Variants in NTM observed in about 807,000 individuals in gnomAD.
NTM encodes the protein neurotrimin, also known as IgLON family member 2.
In NTM, 13 loss-of-function variants were observed where a neutral mutation model predicts 42.1. The ratio of observed to expected loss-of-function variants is 0.31; its 90% CI spans 0.20 to 0.49. The LOEUF is 0.49. Ranked by LOEUF, NTM falls within the 20% of genes least tolerant of loss-of-function variation. The probability of loss-of-function intolerance (pLI) is 0.99; values close to 1 mark genes in which losing one functional copy is unlikely to be tolerated. For missense variants in NTM, 373 were observed against 452.8 expected (o/e 0.82, Z 1.60); for synonymous variants, 187 against 179.2 (o/e 1.04, Z -0.35).
chr11:131,822,797 G>A (rs1040484509), intron 1 of NTM, among the ~76,000 whole-genome samples: 2 of 152,064 alleles, frequency 1.3e-5, no homozygotes, highest in Non-Finnish European at 2.9e-5. Flanking sequence ...AAAAGTGAGA[G>A]TGGAGGTGGG....
intron 1 of NTM, among the ~76,000 whole-genome samples, chr11:131,779,264 C>T (rs532707031): frequency 6.6e-6 from 1 of 152,238 alleles, no homozygotes; most frequent in African/African-American, 2.4e-5. Flanking sequence ...TCAGCTTGGG[C>T]AGATTTAGAG....
At chr11:132,041,910 A>G (rs2077257329) in intron 2 of NTM, among the ~76,000 whole-genome samples, 1 of 152,224 alleles carries the variant, frequency 6.6e-6, no homozygotes, top group Non-Finnish European at 1.5e-5. Flanking sequence ...AATAAGTGTC[A>G]TGTATTAGTA....
Position 131,780,791 on chromosome 11 carries a change from A to T in NTM, c.83-130773A>T, listed in dbSNP as rs531857907. On this transcript the variant is annotated intron_variant, in intron 1 of 8. Coordinates refer to ENST00000683400, the MANE Select transcript of NTM (RefSeq NM_001352005.2). ...TAGAATCTAATGTGAGAGGGTCCTT[A>T]TGGTTCCCAGGTGGAAGGTGAGGCT... Among the ~76,000 whole-genome samples the T allele has an allele frequency of 1.1e-4, 17 of 152,304 alleles. No homozygotes were observed. The East Asian group carries it at 2.1e-3, about 19-fold the overall frequency.
intron 2 of NTM, among the ~76,000 whole-genome samples, chr11:132,048,102 A>T (rs894503136): frequency 6.6e-6 from 1 of 151,854 alleles, no homozygotes; most frequent in African/African-American, 2.4e-5. Flanking sequence ...GAAAGAAGAG[A>T]CCATTCCTTT....
At chr11:131,505,036 C>T (rs1323543038) in intron 1 of NTM, among the ~76,000 whole-genome samples, 2 of 152,110 alleles carry the variant, frequency 1.3e-5, no homozygotes, top group East Asian at 1.9e-4. Context: ...GTGGGGTATA[C>T]TGCAGGGGAA....
chr11:131,565,748 G>A (rs1299030571), intron 1 of NTM, among the ~76,000 whole-genome samples: 1 of 152,176 alleles, frequency 6.6e-6, no homozygotes, highest in Non-Finnish European at 1.5e-5. Context: ...AGATCCTGTG[G>A]GGACTCTGCC....
At chr11:131,750,085 C>A (rs1268003918) in intron 1 of NTM, among the ~76,000 whole-genome samples, 1 of 152,188 alleles carries the variant, frequency 6.6e-6, no homozygotes, top group Non-Finnish European at 1.5e-5. Context: ...AGGTGGAAAG[C>A]CATTAGGCAC....
intron 4 of NTM, among the ~76,000 whole-genome samples, chr11:132,256,650 T>TC (rs397962401): frequency 2.0e-5 from 3 of 151,654 alleles, no homozygotes; most frequent in East Asian, 3.9e-4. Flanking sequence ...TTTTTTTTTT[T>TC]CCCCTGGGCT....
chr11:131,814,490 C>T (rs767210394), intron 1 of NTM, among the ~76,000 whole-genome samples: 5 of 152,196 alleles, frequency 3.3e-5, no homozygotes, highest in South Asian at 2.1e-4. Context: ...CCTTTCCATA[C>T]GGTTTCAGAT....
chr11:131,676,402 C>A (rs549300027), intron 1 of NTM, among the ~76,000 whole-genome samples: 2 of 152,024 alleles, frequency 1.3e-5, no homozygotes, highest in African/African-American at 2.4e-5. Flanking sequence ...TGAAGGGCTG[C>A]GTTGGAGTTT....
At chr11:131,718,187 T>C (rs2077926740) in intron 1 of NTM, among the ~76,000 whole-genome samples, 1 of 152,188 alleles carries the variant, frequency 6.6e-6, no homozygotes, top group Non-Finnish European at 1.5e-5. Flanking sequence ...ATAATGTCTT[T>C]TTCCAGTTTT....
At chr11:131,409,929 G>T (rs556167702) in intron 1 of NTM, among the ~76,000 whole-genome samples, 1 of 152,158 alleles carries the variant, frequency 6.6e-6, no homozygotes, top group Non-Finnish European at 1.5e-5. Flanking sequence ...CCATGGCACA[G>T]CATCTCAGCA....
At chr11:132,289,372 C>T (rs2094373653) in intron 4 of NTM, among the ~76,000 whole-genome samples, 1 of 152,174 alleles carries the variant, frequency 6.6e-6, no homozygotes, top group African/African-American at 2.4e-5. Flanking sequence ...TTCTCAAAGC[C>T]TTTGGTGTAC....
chr11:131,795,431 G>T, intron 1 of NTM: 3 of 985,288 alleles, frequency 3.0e-6, no homozygotes, highest in Non-Finnish European at 3.6e-6. Flanking sequence ...ATACACTATT[G>T]GTATAAAGTC....
chr11:131,713,815 C>T (rs2077409412), intron 1 of NTM, among the ~76,000 whole-genome samples: 3 of 152,146 alleles, frequency 2.0e-5, no homozygotes, highest in African/African-American at 7.2e-5. Flanking sequence ...AGTTTTACAG[C>T]AGGAGTGAAA....
intron 2 of NTM, among the ~76,000 whole-genome samples, chr11:132,139,978 G>T (rs535378152): frequency 1.1e-4 from 17 of 152,310 alleles, no homozygotes; most frequent in African/African-American, 3.6e-4. Flanking sequence ...TGAGAAAGCA[G>T]TACATGTTAT....
intron 1 of NTM, among the ~76,000 whole-genome samples, chr11:131,754,149 G>A (rs1187717109): frequency 2.6e-5 from 3 of 116,494 alleles, no homozygotes; most frequent in Non-Finnish European, 5.3e-5. Context: ...GGGGGAGGGG[G>A]AAGGGATAGC....
At chr11:132,044,352 G>A (rs1303708346) in intron 2 of NTM, among the ~76,000 whole-genome samples, 3 of 152,002 alleles carry the variant, frequency 2.0e-5, no homozygotes, top group East Asian at 1.9e-4. Context: ...TGTATGTTAC[G>A]GCTTACCTTT....
chr11:132,269,431 T>C (rs759093424), intron 4 of NTM, among the ~76,000 whole-genome samples: 1 of 152,180 alleles, frequency 6.6e-6, no homozygotes, highest in African/African-American at 2.4e-5. Flanking sequence ...GGGCAAATAT[T>C]TCACTACCGT....
Sources: allele counts gnomAD v4.1 joint callset (sites outside exome capture counted in the v4.1 genomes callset), GRCh38; gene constraint gnomAD v4.1.1; transcripts MANE v1.5; gene names NCBI Gene and HGNC (gene_info 2026-07-23, HGNC 2026-07-21).